MADCAM1: variants seen among roughly 807,000 people sequenced by gnomAD.
The protein encoded by MADCAM1 is mucosal vascular addressin cell adhesion molecule 1, also known as mucosal addressin cell adhesion molecule 1.
Under a neutral mutation model 26.1 loss-of-function variants are expected in MADCAM1, and 19 were observed. The ratio of observed to expected loss-of-function variants is 0.73; its 90% CI spans 0.51 to 1.07. MADCAM1 has a LOEUF of 1.07. Among genes scored for constraint, MADCAM1 ranks in the 50% least tolerant of loss-of-function variants. The pLI, the probability that MADCAM1 is intolerant of heterozygous loss-of-function variation, is 0.00. For synonymous variants in MADCAM1, 268 were observed against 260.9 expected, an observed-to-expected ratio of 1.03 and a Z score of -0.26; for missense variants, 514 against 542.1, an observed-to-expected ratio of 0.95 and a Z score of 0.51.
At chr19:503,310 G>GTC (rs1568318624) in intron 4 of MADCAM1, among the ~76,000 whole-genome samples, 2 of 147,724 alleles carry the variant, frequency 1.4e-5, no homozygotes, top group East Asian at 4.1e-4. Flanking sequence ...GGCCGGGCAC[G>GTC]GTGGCTTATG....
intron 3 of MADCAM1, chr19:499,928 G>C: frequency 2.2e-6 from 1 of 444,974 alleles, no homozygotes; most frequent in Non-Finnish European, 4.5e-6. Context: ...GTGAGGTCGT[G>C]AGTTTCAAGC....
chr19:500,296 G>A, intron 3 of MADCAM1: 1 of 399,718 alleles, frequency 2.5e-6, no homozygotes, highest in Non-Finnish European at 5.0e-6. Flanking sequence ...CTGGGGTGAT[G>A]TTGCCAGTGA....
At chr19:497,552 G>C (rs1978291562) in intron 1 of MADCAM1, among the ~76,000 whole-genome samples, 1 of 151,682 alleles carries the variant, frequency 6.6e-6, no homozygotes, top group African/African-American at 2.4e-5. Flanking sequence ...GGGGCTGAGA[G>C]GGGAAGTTGC....
rs1978354615 is a variant in MADCAM1 at position 501,800 on chromosome 19, AAGACCTCCCCGGAGC to A, written c.800_814del (p.Lys267_Pro272delinsThr). 1 of 1,557,230 alleles carries A rather than the reference AAGACCTCCCCGGAGC, an allele frequency of 6.4e-7. No homozygotes were observed. The highest frequency in any genetic ancestry group is 1.4e-5 in the African/African-American group (1 of 72,536). On this transcript the variant is annotated inframe_deletion, in exon 4 of 5. Coordinates refer to ENST00000215637, the MANE Select transcript of MADCAM1 (RefSeq NM_130760.3). The stretch of plus-strand genomic sequence containing the variant: ...CACCACCTCCCCGGAGCCTCCCGAC[AAGACCTCCCCGGAGC>A]CCGCCCCCCAGCAGGGCTCCACACA...
At chr19:499,297 TCC>T (rs769344158) in intron 3 of MADCAM1, 2 of 458,584 alleles carry the variant, frequency 4.4e-6, no homozygotes, top group South Asian at 3.1e-5. Flanking sequence ...TCTCTCCTCC[TCC>T]CCCTCAGGTC....
intron 4 of MADCAM1, 47 bp downstream of exon 4, chr19:501,976 C>A: frequency 7.0e-7 from 1 of 1,429,792 alleles, no homozygotes; most frequent in Non-Finnish European, 9.2e-7. Flanking sequence ...GGGCTGAGAG[C>A]GAGAGGTTCC....
rs1270034691 is a variant in MADCAM1, at chr19:504,255, C to CATTTTTT, written c.929-490_929-489insATTTTTT. Among the ~76,000 whole-genome samples the CATTTTTT allele has an allele frequency of 6.8e-5, 6 of 88,150 alleles. 2 individuals are homozygous for CATTTTTT. The highest frequency in any genetic ancestry group is 2.7e-4 in the Admixed American group (2 of 7,346). 57.8% of individuals were successfully genotyped at this position (88,150 alleles called of 152,430 possible). A position where few individuals can be genotyped will look rare whatever the true frequency, so the allele number is the denominator to read the frequency against. The stretch of plus-strand genomic sequence containing the variant: ...TGAGCCGTCCTCTCTCCGGTCTGCC[C>CATTTTTT]TTTTTTTTTTTTTTTTTTTTTTTTG... On this transcript the variant is annotated intron_variant, in intron 4 of 4. Transcript: ENST00000215637.
intron 4 of MADCAM1, 43 bp from the exon 5 acceptor site, chr19:504,702 G>C: frequency 6.9e-7 from 1 of 1,443,528 alleles, no homozygotes; most frequent in African/African-American, 1.4e-5. Context: ...GCCTGCAGAG[G>C]CCTGGAGGGC....
Position 499,254 on chromosome 19 carries a change from C to G in MADCAM1, c.667+429C>G, listed in dbSNP as rs575328999. ...GCCTTTGCACGGCTGTGCCCTCTGC[C>G]GGGAATACCCTTCTTCCGGATCTTT... On this transcript the variant is annotated intron_variant, in intron 3 of 4. Coordinates refer to ENST00000215637, the MANE Select transcript of MADCAM1 (RefSeq NM_130760.3). The G allele has an allele frequency of 1.1e-5, 5 of 466,358 alleles. No homozygotes were observed. The Admixed American group carries it at 1.2e-4, about 11-fold the overall frequency. The allele number at this position is 466,358 out of a possible 1,614,324, so 28.9% of individuals were successfully genotyped here.
Position 498,047 on chromosome 19 carries a change from C to A in MADCAM1, c.267C>A (p.Ala89=). 1 of 1,483,718 alleles carries A rather than the reference C, an allele frequency of 6.7e-7. No homozygotes were observed. Among genetic ancestry groups the A allele is most frequent in the Non-Finnish European group, 8.9e-7 (1 of 1,122,962 alleles). The allele number at this position is 1,483,718 out of a possible 1,614,324, so 91.9% of individuals were successfully genotyped here. The change falls in exon 2 of 5, where the codon GCC becomes GCA. Residue 89 remains alanine, a synonymous_variant. Transcript: ENST00000215637. ...TGCGCAACGCCTCGCTGTCGGCGGC[C>A]GGGACCCGCGTGTGCGTGGGCTCCT... The part of the protein sequence containing the change: ...LTVRNASLSA[A]GTRVCVGSCG...
At chr19:498,979 A>G (rs1238632769) in intron 3 of MADCAM1, 154 bp downstream of exon 3, 5 of 1,173,852 alleles carry the variant, frequency 4.3e-6, no homozygotes, top group East Asian at 5.1e-5. Flanking sequence ...CATCGACGCA[A>G]CATGTATTTG....
At chr19:504,086 C>T (rs1470325254) in intron 4 of MADCAM1, among the ~76,000 whole-genome samples, 5 of 151,078 alleles carry the variant, frequency 3.3e-5, no homozygotes, top group African/African-American at 7.3e-5. Flanking sequence ...TCATACATTT[C>T]GCAGAGCCCA....
intron 3 of MADCAM1, among the ~76,000 whole-genome samples, chr19:500,676 C>T (rs186945212): frequency 1.1e-4 from 17 of 152,274 alleles, no homozygotes; most frequent in African/African-American, 3.8e-4. Context: ...CGAGACTAGC[C>T]TGACCAACAT....
In MADCAM1 at chr19:497,821, C is replaced by G; in HGVS notation, c.53-12C>G. On this transcript the variant is annotated splice_polypyrimidine_tract_variant and intron_variant, in intron 1 of 4. Transcript: ENST00000215637. The stretch of plus-strand genomic sequence containing the variant: ...ACTCCGCGGGGCTGAGCGAGAGCCG[C>G]GGTCGCCGCAGGCCAGTCCCTCCAG... The G allele has an allele frequency of 7.9e-7, 1 of 1,270,014 alleles. No homozygotes were observed. The highest frequency in any genetic ancestry group is 9.9e-7 in the Non-Finnish European group (1 of 1,010,200). 78.7% of individuals were successfully genotyped at this position (1,270,014 alleles called of 1,614,324 possible). A position where few individuals can be genotyped will look rare whatever the true frequency, so the allele number is the denominator to read the frequency against.
At position 504,830 on chromosome 19, in the gene MADCAM1, C is replaced by G. The variant is rs7246543; in HGVS notation, c.1014C>G (p.Thr338=). The change falls in exon 5 of 5, where the codon ACC becomes ACG. Residue 338 remains threonine (T), a synonymous_variant. Transcript: ENST00000215637. ...GACTGCTGCTCCTGGCCTTGCCCAC[C>G]TATCACCTCTGGAAACGCTGCCGGC... is the stretch of plus-strand genomic sequence containing the variant. ...VLGLLLLALP[T]YHLWKRCRHL... is the part of the protein sequence containing the mutation. 0.33 allele frequency: 539,675 copies of G among 1,612,314 alleles called. 92,045 individuals carry two copies. The highest frequency in any genetic ancestry group is 0.42 in the Admixed American group (25,389 of 59,990).
chr19:505,062 A>G lies in MADCAM1; in HGVS notation c.*97A>G. On this transcript the variant is annotated 3_prime_UTR_variant, in exon 5 of 5. Transcript: ENST00000215637. The stretch of plus-strand genomic sequence containing the variant: ...CCTGCCTCCCATTCTACTCAAAGTC[A>G]TCCCTCTGTTCACAGAGATGGATGC... The G allele has an allele frequency of 1.1e-6, 1 of 882,670 alleles. No individual in the cohort carries two copies. The highest frequency in any genetic ancestry group is 1.7e-6 in the Non-Finnish European group (1 of 594,024). 54.7% of individuals were successfully genotyped at this position (882,670 alleles called of 1,614,324 possible). A position where few individuals can be genotyped will look rare whatever the true frequency, so the allele number is the denominator to read the frequency against.
chr19:503,103 G>A (rs959331411), intron 4 of MADCAM1, among the ~76,000 whole-genome samples: 3 of 152,214 alleles, frequency 2.0e-5, no homozygotes, highest in African/African-American at 7.2e-5. Flanking sequence ...ATTATTTCTA[G>A]TGTCTATGTC....
rs1978558323 is a variant in MADCAM1 at position 505,198 on chromosome 19, G to A, written c.*233G>A. The A allele has an allele frequency of 2.2e-6, 1 of 453,608 alleles. No individual in the cohort carries two copies. 28.1% of individuals were successfully genotyped at this position (453,608 alleles called of 1,614,324 possible). ...CTCCCTGAGTGGTCCCCACCTTTCT[G>A]GACGGAACCACGTACTTTTTACATA... On this transcript the variant is annotated 3_prime_UTR_variant, in exon 5 of 5. Coordinates refer to ENST00000215637, the MANE Select transcript of MADCAM1 (RefSeq NM_130760.3).
Position 498,577 on chromosome 19 carries a change from C to T in MADCAM1, c.419C>T (p.Thr140Met). ...PEVACTAHKVTPVDPNALSFS... is the reference protein window; with the variant it reads ...PEVACTAHKVMPVDPNALSFS... ...GTGGCCTGTACGGCCCACAAAGTCA[C>T]GCCCGTGGACCCCAACGCGCTCTCC... Residue 140 changes from threonine (T) to methionine (M), a missense_variant, in exon 3 of 5, where the codon ACG becomes ATG. This residue lies in a region of MADCAM1 where 317 missense variants were observed against 313.6 expected (regional missense o/e 1.01). Coordinates refer to ENST00000215637, the MANE Select transcript of MADCAM1 (RefSeq NM_130760.3). 2.0e-6 allele frequency: 3 copies of T among 1,482,152 alleles called. No homozygotes were observed. Among genetic ancestry groups the T allele is most frequent in the Non-Finnish European group, 2.7e-6 (3 of 1,120,436 alleles). 91.8% of individuals were successfully genotyped at this position (1,482,152 alleles called of 1,614,324 possible).
Sources: allele counts gnomAD v4.1 joint callset (sites outside exome capture counted in the v4.1 genomes callset), GRCh38; gene constraint gnomAD v4.1.1; regional missense constraint gnomAD v4.1.1; transcripts MANE v1.5; gene names NCBI Gene and HGNC (gene_info 2026-07-23, HGNC 2026-07-21).